The following ZNF165 variants were observed in gnomAD, a reference collection of about 807,000 sequenced individuals.
The protein encoded by ZNF165 is zinc finger protein 165, also known as cancer/testis antigen 53.
A neutral mutation model predicts 19.6 loss-of-function variants in ZNF165; 14 were observed. The observed-to-expected ratio is 0.71, with a 90% CI of 0.47 to 1.12. The LOEUF is 1.12. Among genes scored for constraint, ZNF165 ranks in the 50% most tolerant of loss-of-function variants. The pLI is 0.00. For missense variants in ZNF165, 504 were observed against 566.3 expected (o/e 0.89, Z 1.12); for synonymous variants, 165 against 195.0 (o/e 0.85, Z 1.28).
At position 28,085,859 on chromosome 6, in the gene ZNF165, T is replaced by C. The variant is rs975660125; in HGVS notation, c.379T>C (p.Leu127=). Reference sequence around the variant, plus strand: ...GGAGGCAGTGACCATACTAGAAGATTTGGAGAGAGGCACTGATGAAGCAGT... The same window carrying C: ...GGAGGCAGTGACCATACTAGAAGATCTGGAGAGAGGCACTGATGAAGCAGT... ...GEEAVTILED[L]ERGTDEAVLQ... The change falls in exon 2 of 4, where the codon TTG becomes CTG. Residue 127 remains leucine, a synonymous_variant. Coordinates refer to ENST00000683778, the MANE Select transcript of ZNF165 (RefSeq NM_001376491.1). 3 of 1,612,602 alleles carry C rather than the reference T, an allele frequency of 1.9e-6. No homozygotes were observed. The highest frequency in any genetic ancestry group is 1.3e-5 in the African/African-American group (1 of 74,992).
Position 28,085,898 on chromosome 6 carries a change from A to G in ZNF165, c.411+7A>G, listed in dbSNP as rs771408862. On this transcript the variant is annotated splice_region_variant and intron_variant, in intron 2 of 3. Coordinates refer to ENST00000683778, the MANE Select transcript of ZNF165 (RefSeq NM_001376491.1). The stretch of plus-strand genomic sequence containing the variant: ...TGATGAAGCAGTACTCCAGGTGCAC[A>G]GGGGATGGGAGATCTAAGACCTCCA... 1.6e-4 allele frequency: 249 copies of G among 1,604,788 alleles called. No homozygotes were observed. Among genetic ancestry groups the G allele is most frequent in the Admixed American group, 2.5e-4 (15 of 59,024 alleles).
At position 28,089,402 on chromosome 6, in the gene ZNF165, GC is replaced by G; in HGVS notation, c.1392del (p.Phe465SerfsTer15). 6.2e-7 allele frequency: 1 copy of G among 1,614,104 alleles called. No homozygotes were observed. The highest frequency in any genetic ancestry group is 8.5e-7 in the Non-Finnish European group (1 of 1,179,974). On this transcript the variant is annotated frameshift_variant, in exon 4 of 4. Coordinates refer to ENST00000683778, the MANE Select transcript of ZNF165 (RefSeq NM_001376491.1). LOFTEE classifies it high-confidence loss of function. ...CTATGAATGCAGTGAGTGTGGAAGA[GC>G]CTTCAGTCAGAGCTCAAACCTTAGT... Reference protein sequence around the residue: ...KPYECSECGRAFSQSSNLSQH... With the variant: ...KPYECSECGRXFSQSSNLSQH...
In ZNF165 at chr6:28,080,760, A is replaced by G. The variant is rs9380050; in HGVS notation, c.-211A>G. 35,724 of 151,726 alleles carry G rather than the reference A, an allele frequency of 0.24. 4,380 individuals carry two copies. The highest frequency in any genetic ancestry group is 0.3 in the African/African-American group (12,419 of 41,280). 9.4% of individuals were successfully genotyped at this position (151,726 alleles called of 1,614,324 possible). On this transcript the variant is annotated 5_prime_UTR_variant, in exon 1 of 4. Transcript: ENST00000683778. ...GACACACTACTACAATGGAGAAAAAAGATGCCCCCTCCTTCAAGCCCTGAG... is the reference window on the plus strand; with the variant it reads ...GACACACTACTACAATGGAGAAAAAGGATGCCCCCTCCTTCAAGCCCTGAG...
chr6:28,088,485 G>T, intron 3 of ZNF165, 78 bp from the exon 4 acceptor site: 1 of 1,218,172 alleles, frequency 8.2e-7, no homozygotes, highest in Non-Finnish European at 1.1e-6. Flanking sequence ...ATATCAATAT[G>T]TAACTATCTT....
At position 28,088,927 on chromosome 6, in the gene ZNF165, A is replaced by C; in HGVS notation, c.915A>C (p.Ser305=). Residue 305 remains serine (S), a synonymous_variant, in exon 4 of 4, where the codon TCA becomes TCC. Transcript: ENST00000683778. ...GTGACCAGAGCTTCAAATGGAACTCAGATTTTATTAACCATCAAATAATTT... is the reference window on the plus strand; with the variant it reads ...GTGACCAGAGCTTCAAATGGAACTCCGATTTTATTAACCATCAAATAATTT... The part of the protein sequence containing the change: ...GTCDQSFKWN[S]DFINHQIIYA... The C allele has an allele frequency of 6.2e-7, 1 of 1,614,206 alleles. No individual in the cohort carries two copies. The highest frequency in any genetic ancestry group is 8.5e-7 in the Non-Finnish European group (1 of 1,180,044).
At chr6:28,083,049 T>A (rs551517872) in intron 1 of ZNF165, among the ~76,000 whole-genome samples, 1 of 152,350 alleles carries the variant, frequency 6.6e-6, no homozygotes, top group Admixed American at 6.5e-5. Flanking sequence ...TATTCATATG[T>A]GTATGTGTTA....
At position 28,089,396 on chromosome 6, in the gene ZNF165, G is replaced by A. The variant is rs1764380371; in HGVS notation, c.1384G>A (p.Gly462Arg). 1.9e-6 allele frequency: 3 copies of A among 1,614,150 alleles called. No individual in the cohort carries two copies. The highest frequency in any genetic ancestry group is 2.5e-6 in the Non-Finnish European group (3 of 1,180,014). The change falls in exon 4 of 4, where the codon GGA becomes AGA. Residue 462 changes from glycine (G) to arginine (R), a missense_variant. Gly to Arg is a moderately radical substitution (Grantham distance 125). Transcript: ENST00000683778. The part of the protein sequence containing the change: ...GEKPYECSEC[G>R]RAFSQSSNLS... ...AAAACCCTATGAATGCAGTGAGTGT[G>A]GAAGAGCCTTCAGTCAGAGCTCAAA...
At chr6:28,086,128 A>C in intron 2 of ZNF165, 44 bp from the exon 3 acceptor site, 1 of 1,582,590 alleles carries the variant, frequency 6.3e-7, no homozygotes, top group Non-Finnish European at 8.6e-7. Context: ...GACGTTTAAC[A>C]CAGGGATTCT....
intron 3 of ZNF165, 84 bp from the exon 4 acceptor site, chr6:28,088,479 C>T: frequency 8.8e-7 from 1 of 1,138,972 alleles, no homozygotes; most frequent in Non-Finnish European, 1.2e-6. Flanking sequence ...GTGGGCATAT[C>T]AATATGTAAC....
In ZNF165 at chr6:28,089,044, T is replaced by A. The variant is rs757621043; in HGVS notation, c.1032T>A (p.His344Gln). Residue 344 changes from histidine to glutamine, a missense_variant, in exon 4 of 4, where the codon CAT becomes CAA. Physicochemically the swap from His to Gln is conservative, Grantham distance 24. Transcript: ENST00000683778. ...HAAVFSGDKT[H>Q]QCNECGKAFR... ...CAGTTTTCAGTGGAGATAAAACTCATCAGTGTAATGAATGTGGGAAAGCTT... is the reference window on the plus strand; with the variant it reads ...CAGTTTTCAGTGGAGATAAAACTCAACAGTGTAATGAATGTGGGAAAGCTT... 5.6e-5 allele frequency: 90 copies of A among 1,614,078 alleles called. 2 individuals are homozygous for A. The Admixed American group carries it at 1.5e-3, about 27-fold the overall frequency.
intron 3 of ZNF165, among the ~76,000 whole-genome samples, chr6:28,087,506 A>G (rs944097450): frequency 1.1e-4 from 17 of 152,338 alleles, no homozygotes; most frequent in Non-Finnish European, 2.1e-4. Context: ...GGCCTCCCAG[A>G]GTGCTGGGAT....
At chr6:28,087,301 A>T (rs1764297925) in intron 3 of ZNF165, among the ~76,000 whole-genome samples, 3 of 152,136 alleles carry the variant, frequency 2.0e-5, no homozygotes, top group Admixed American at 2.0e-4. Context: ...GCTGGAGTGC[A>T]GTGGCGTGAT....
intron 1 of ZNF165, among the ~76,000 whole-genome samples, chr6:28,082,996 TAAAA>T (rs59743198): frequency 0.23 from 35,541 of 151,970 alleles, 4,292 homozygotes; most frequent in African/African-American, 0.3. Context: ...AATCAGTTGA[TAAAA>T]AAACAGCCAA....
chr6:28,086,243 C>G lies in ZNF165; in HGVS notation c.483C>G (p.Val161=). 6.2e-7 allele frequency: 1 copy of G among 1,614,242 alleles called. No individual in the cohort carries two copies. The highest frequency in any genetic ancestry group is 1.1e-5 in the South Asian group (1 of 91,088). ...CACCTCCTGGACCAGCACTTAATGT[C>G]AAGTTACAGCCAGTGGAGACCAAGG... ...KVSPPGPALN[V]KLQPVETKAH... Residue 161 remains valine, a synonymous_variant, in exon 3 of 4, where the codon GTC becomes GTG. Coordinates refer to ENST00000683778, the MANE Select transcript of ZNF165 (RefSeq NM_001376491.1).
intron 1 of ZNF165, among the ~76,000 whole-genome samples, chr6:28,082,533 T>C (rs1044670339): frequency 2.6e-5 from 4 of 152,254 alleles, no homozygotes; most frequent in Non-Finnish European, 5.9e-5. Context: ...AATAAAGGGA[T>C]GGGCTCTGGC....
intron 1 of ZNF165, among the ~76,000 whole-genome samples, chr6:28,083,089 G>A (rs1208834298): frequency 6.6e-6 from 1 of 152,172 alleles, no homozygotes; most frequent in Non-Finnish European, 1.5e-5. Context: ...CTAGAGTTGA[G>A]CAATTTCTTA....
At chr6:28,085,096 TCTC>T (rs936245027) in intron 1 of ZNF165, among the ~76,000 whole-genome samples, 1 of 152,196 alleles carries the variant, frequency 6.6e-6, no homozygotes, top group African/African-American at 2.4e-5. Flanking sequence ...ATTTTTCTCA[TCTC>T]CTATTTTATG....
At chr6:28,085,343 T>C (rs1764250244) in intron 1 of ZNF165, 138 bp from the exon 2 acceptor site, 2 of 859,136 alleles carry the variant, frequency 2.3e-6, no homozygotes, top group Non-Finnish European at 3.5e-6. Flanking sequence ...AATTTTTGTG[T>C]AATGGAGAAT....
rs1370006736 is a variant in ZNF165, at chr6:28,080,842, G to A, written c.-129G>A. The A allele has an allele frequency of 6.6e-6, 1 of 152,240 alleles. No homozygotes were observed. Among genetic ancestry groups the A allele is most frequent in the Non-Finnish European group, 1.5e-5 (1 of 68,072 alleles). 9.4% of individuals were successfully genotyped at this position (152,240 alleles called of 1,614,324 possible). A position where few individuals can be genotyped will look rare whatever the true frequency, so the allele number is the denominator to read the frequency against. On this transcript the variant is annotated 5_prime_UTR_variant, in exon 1 of 4. The change creates a premature stop within an existing upstream ORF in the 5' untranslated region. Coordinates refer to ENST00000683778, the MANE Select transcript of ZNF165 (RefSeq NM_001376491.1). ...CGAAGAGACCCAGGAAGGATTCTTG[G>A]AATTGTAGTCCAAAGGCATCCCGCC...
Sources: gnomAD v4.1 joint callset for allele counts (sites outside exome capture counted in the v4.1 genomes callset) on GRCh38, gnomAD v4.1.1 for gene constraint, MANE v1.5 for transcripts, NCBI Gene and HGNC (gene_info 2026-07-23, HGNC 2026-07-21) for gene names.